RBFOX1: variants seen among roughly 807,000 people sequenced by gnomAD.
RBFOX1 encodes the protein RNA binding protein fox-1 homolog 1.
A neutral mutation model predicts 57.7 loss-of-function variants in RBFOX1; 8 were observed. The observed-to-expected ratio is 0.14, with a 90% CI of 0.08 to 0.25. The LOEUF (loss-of-function observed/expected upper bound fraction) is 0.25, where lower values mean the gene tolerates loss of function less well. RBFOX1 is among the 10% of genes least tolerant of loss of function. The pLI is 1.00. For synonymous variants in RBFOX1, 326 were observed against 222.4 expected (o/e 1.47, Z -4.15); for missense variants, 611 against 548.5 (o/e 1.11, Z -1.14).
At chr16:6,537,797 GA>G (rs1301842727) in intron 2 of RBFOX1, among the ~76,000 whole-genome samples, 1 of 152,104 alleles carries the variant, frequency 6.6e-6, no homozygotes, top group Non-Finnish European at 1.5e-5. Context: ...ACTGGTAGCT[GA>G]AATTCAGGAA....
intron 3 of RBFOX1, among the ~76,000 whole-genome samples, chr16:6,728,807 T>C (rs1047883210): frequency 6.6e-6 from 1 of 151,544 alleles, no homozygotes; most frequent in African/African-American, 2.4e-5. Flanking sequence ...GTGAAATTTA[T>C]CTGCATAATT....
At chr16:6,771,885 A>G (rs62016075) in intron 3 of RBFOX1, among the ~76,000 whole-genome samples, 9 of 152,000 alleles carry the variant, frequency 5.9e-5, no homozygotes, top group East Asian at 1.9e-4. Context: ...CCTTCTCCCC[A>G]TTAGACCTTT....
intron 3 of RBFOX1, among the ~76,000 whole-genome samples, chr16:6,729,348 A>G (rs1045499219): frequency 6.6e-6 from 1 of 152,178 alleles, no homozygotes; most frequent in Non-Finnish European, 1.5e-5. Flanking sequence ...ATCAAGGTAA[A>G]TCTAATTCAG....
intron 3 of RBFOX1, among the ~76,000 whole-genome samples, chr16:5,680,233 A>T (rs7184675): frequency 6.6e-6 from 1 of 152,192 alleles, no homozygotes; most frequent in South Asian, 2.1e-4. Context: ...ATTTGGGTGC[A>T]GTGTGGCTTA....
intron 1 of RBFOX1, among the ~76,000 whole-genome samples, chr16:6,181,172 G>C (rs1326946280): frequency 6.6e-6 from 1 of 152,138 alleles, no homozygotes; most frequent in East Asian, 1.9e-4. Context: ...CCATCACTGA[G>C]AATATAATCA....
intron 4 of RBFOX1, among the ~76,000 whole-genome samples, chr16:7,383,005 T>G (rs367566784): frequency 6.6e-6 from 1 of 152,092 alleles, no homozygotes; most frequent in Non-Finnish European, 1.5e-5. Flanking sequence ...AAACTTGACA[T>G]ATGGTAAGCA....
chr16:6,014,945 T>C (rs1382432676), upstream of RBFOX1, among the ~76,000 whole-genome samples: 1 of 151,738 alleles, frequency 6.6e-6, no homozygotes, highest in African/African-American at 2.4e-5. Context: ...AGCCTCAAGC[T>C]CCCAGGCTTA....
At chr16:5,825,350 T>G (rs543728241) in intron 3 of RBFOX1, among the ~76,000 whole-genome samples, 1 of 152,168 alleles carries the variant, frequency 6.6e-6, no homozygotes, top group African/African-American at 2.4e-5. Context: ...CTATGCCACA[T>G]CTTTTGCAGA....
intron 1 of RBFOX1, among the ~76,000 whole-genome samples, chr16:6,071,340 A>G (rs2095835463): frequency 6.6e-6 from 1 of 152,168 alleles, no homozygotes; most frequent in African/African-American, 2.4e-5. Flanking sequence ...CAGGAAACAA[A>G]CAAAGAAACG....
chr16:7,022,988 G>A (rs1292132704), intron 3 of RBFOX1, among the ~76,000 whole-genome samples: 1 of 152,162 alleles, frequency 6.6e-6, no homozygotes, highest in Admixed American at 6.5e-5. Context: ...GCAGTGAAAT[G>A]CTTTTGCAGA....
At chr16:5,268,977 C>G (rs1052977051) in intron 1 of RBFOX1, among the ~76,000 whole-genome samples, 3 of 151,726 alleles carry the variant, frequency 2.0e-5, no homozygotes, top group Non-Finnish European at 4.4e-5. Context: ...TGCAGTGGCA[C>G]AATCTCAGCT....
chr16:7,283,537 G>T (rs879908904), intron 4 of RBFOX1, among the ~76,000 whole-genome samples: 1 of 152,016 alleles, frequency 6.6e-6, no homozygotes, highest in Non-Finnish European at 1.5e-5. Context: ...CCTCCCCTCT[G>T]TGTTGGCCAG....
intron 3 of RBFOX1, among the ~76,000 whole-genome samples, chr16:6,799,955 T>C (rs1341417908): frequency 2.0e-5 from 3 of 152,102 alleles, no homozygotes; most frequent in African/African-American, 7.2e-5. Context: ...ATGATGTGAG[T>C]CAATTCTCCT....
At chr16:5,297,547 G>T (rs1357633571) in intron 1 of RBFOX1, among the ~76,000 whole-genome samples, 4 of 152,082 alleles carry the variant, frequency 2.6e-5, no homozygotes, top group Non-Finnish European at 5.9e-5. Flanking sequence ...CTTCTTTTGA[G>T]AAATGTCTAC....
chr16:7,112,878 G>C (rs956740955), intron 4 of RBFOX1, among the ~76,000 whole-genome samples: 1 of 151,998 alleles, frequency 6.6e-6, no homozygotes, highest in African/African-American at 2.4e-5. Flanking sequence ...GGGATGACTG[G>C]GCTATAATGC....
At chr16:5,969,298 C>CTTTT (rs71142659) in intron 4 of RBFOX1, among the ~76,000 whole-genome samples, 5,966 of 83,442 alleles carry the variant, frequency 0.071, 8 homozygotes, top group African/African-American at 0.083. Context: ...TTCGGTTGTT[C>CTTTT]TTTTTTTTTT....
chr16:5,645,373 C>G (rs6500709), intron 3 of RBFOX1, among the ~76,000 whole-genome samples: 147,216 of 152,290 alleles, frequency 0.97, 71,176 homozygotes, highest in East Asian at 1. Context: ...TATATACACA[C>G]AATGTAGATT....
intron 3 of RBFOX1, among the ~76,000 whole-genome samples, chr16:6,736,923 A>G (rs767871251): frequency 1.3e-5 from 2 of 152,100 alleles, no homozygotes. Flanking sequence ...GCTGTGATGG[A>G]TTGGTGATGT....
chr16:7,589,638 T>C (rs543978411), intron 7 of RBFOX1, among the ~76,000 whole-genome samples: 2 of 152,092 alleles, frequency 1.3e-5, no homozygotes, highest in Non-Finnish European at 2.9e-5. Flanking sequence ...GACAGTCCAG[T>C]TGGGACTGCT....
Sources: allele counts gnomAD v4.1 joint callset (sites outside exome capture counted in the v4.1 genomes callset), GRCh38; gene constraint gnomAD v4.1.1; transcripts MANE v1.5; gene names NCBI Gene and HGNC (gene_info 2026-07-23, HGNC 2026-07-21).